Variants in ARHGAP32 observed in about 807,000 individuals in gnomAD.
The protein encoded by ARHGAP32 is Rho GTPase activating protein 32.
Under a neutral mutation model 186.5 loss-of-function variants are expected in ARHGAP32, and 51 were observed. The observed-to-expected ratio is 0.27, with a 90% confidence interval of 0.22 to 0.35. The LOEUF (loss-of-function observed/expected upper bound fraction) is 0.35. Among genes scored for constraint, ARHGAP32 ranks in the 10% least tolerant of loss-of-function variants. ARHGAP32 has a pLI of 1.00. For missense variants in ARHGAP32, 2,186 were observed against 2,623.5 expected, an observed-to-expected ratio of 0.83 and a Z score of 3.64; for synonymous variants, 950 against 964.3, an observed-to-expected ratio of 0.99 and a Z score of 0.27.
chr11:129,224,927 C>T (rs1423694642), intron 1 of ARHGAP32, among the ~76,000 whole-genome samples: 2 of 151,982 alleles, frequency 1.3e-5, no homozygotes, highest in African/African-American at 4.8e-5. Flanking sequence ...GCCTGGACAA[C>T]ATAGCAAGAC....
At chr11:129,088,901 G>A (rs1396499070) in intron 6 of ARHGAP32, among the ~76,000 whole-genome samples, 1 of 150,534 alleles carries the variant, frequency 6.6e-6, no homozygotes, top group South Asian at 2.1e-4. Flanking sequence ...AGCCAGGTGA[G>A]GCAGGAGGAT....
intron 10 of ARHGAP32, among the ~76,000 whole-genome samples, chr11:129,047,422 C>G (rs1939857955): frequency 2.0e-5 from 3 of 152,180 alleles, no homozygotes; most frequent in Admixed American, 1.3e-4. Context: ...ACATTTCCCC[C>G]CAAGGTACTT....
intron 1 of ARHGAP32, among the ~76,000 whole-genome samples, chr11:129,215,308 A>C (rs1251902223): frequency 6.6e-6 from 1 of 152,182 alleles, no homozygotes; most frequent in East Asian, 1.9e-4. Flanking sequence ...GTCAGAACTA[A>C]ATGAGTTCAT....
chr11:129,082,945 T>C (rs1469452467), intron 6 of ARHGAP32, among the ~76,000 whole-genome samples: 2 of 151,874 alleles, frequency 1.3e-5, no homozygotes, highest in East Asian at 3.9e-4. Flanking sequence ...GCTAGGGGTA[T>C]AAACAGTTAT....
intron 1 of ARHGAP32, among the ~76,000 whole-genome samples, chr11:129,182,466 G>A (rs1455216838): frequency 6.6e-6 from 1 of 151,900 alleles, no homozygotes; most frequent in Non-Finnish European, 1.5e-5. Context: ...TTTTTGTAAT[G>A]CAGATGTTTT....
intron 1 of ARHGAP32, among the ~76,000 whole-genome samples, chr11:129,177,364 A>G (rs1480509594): frequency 6.6e-6 from 1 of 152,196 alleles, no homozygotes; most frequent in Non-Finnish European, 1.5e-5. Context: ...AGGTACAAGG[A>G]GAAACTGGTA....
chr11:128,974,711 C>T lies in ARHGAP32; in HGVS notation c.2486G>A (p.Gly829Asp), dbSNP rs761823318. 1.2e-6 allele frequency: 2 copies of T among 1,614,158 alleles called. 1 individual carries two copies. Among genetic ancestry groups the T allele is most frequent in the South Asian group, 2.2e-5 (2 of 91,080 alleles). Residue 829 changes from glycine to aspartate, a missense_variant, in exon 21 of 23, where the codon GGT (glycine) becomes GAT (aspartate). By Grantham distance (94) the Gly-to-Asp change is moderately conservative. Around this residue, in one of 5 missense-constraint regions of ARHGAP32, gnomAD observed 263 missense variants for 323.5 expected, o/e 0.81. Transcript: ENST00000682385. ...TCCTGGTGAATCTAAAAAGGAAGCA[C>T]CACTCTCCAGACATTCTGATTCGGC... ...PKAESECLES[G>D]ASFLDSPGYS...
At chr11:128,993,678 G>A (rs976953608) in intron 12 of ARHGAP32, among the ~76,000 whole-genome samples, 3 of 151,448 alleles carry the variant, frequency 2.0e-5, no homozygotes, top group African/African-American at 4.9e-5. Flanking sequence ...TATAGGTCAT[G>A]GACAATACAT....
At chr11:129,141,781 G>C (rs1408056944) in intron 2 of ARHGAP32, among the ~76,000 whole-genome samples, 3 of 150,938 alleles carry the variant, frequency 2.0e-5, no homozygotes, top group Non-Finnish European at 3.0e-5. Flanking sequence ...TAGGATTATG[G>C]GAAAGCCTCT....
At chr11:129,131,844 C>T (rs1232596322) in intron 2 of ARHGAP32, among the ~76,000 whole-genome samples, 1 of 152,104 alleles carries the variant, frequency 6.6e-6, no homozygotes. Context: ...GTGGGGATAA[C>T]CCTTGGTATT....
chr11:129,263,533 C>T lies in ARHGAP32; in HGVS notation c.-5+15613G>A, dbSNP rs1449084425. On this transcript the variant is annotated intron_variant, in intron 1 of 6. Transcript: ENST00000525234. ...CAAACCATGATAAGATATCACCTTA[C>T]CCATTAAAATGGCTACTGGCAAAAA... 2.5e-5 allele frequency among the ~76,000 whole-genome samples: 3 copies of T among 121,148 alleles called. No homozygotes were observed. The East Asian group carries it at 7.4e-4, about 30-fold the overall frequency. 79.5% of individuals were successfully genotyped at this position (121,148 alleles called of 152,430 possible). A position where few individuals can be genotyped will look rare whatever the true frequency, so the allele number is the denominator to read the frequency against.
Position 129,225,221 on chromosome 11 carries a change from GAAGT to G in ARHGAP32, c.-5+53921_-5+53924del, listed in dbSNP as rs575912336. Among the ~76,000 whole-genome samples the G allele has an allele frequency of 9.2e-5, 14 of 152,284 alleles. No homozygotes were observed. In the South Asian group the frequency reaches 2.9e-3, roughly 32 times the overall value. On this transcript the variant is annotated intron_variant, in intron 1 of 6. Coordinates refer to the ARHGAP32 transcript ENST00000525234. Reference sequence around the variant, plus strand: ...GAAAAAGCTTAAAAGAAAAAACTGAGAAGTAAGATGCCCATGGAGACTTTGAAAA... The same window carrying G: ...GAAAAAGCTTAAAAGAAAAAACTGAGAAGATGCCCATGGAGACTTTGAAAA...
intron 1 of ARHGAP32, among the ~76,000 whole-genome samples, chr11:129,252,260 G>C (rs1355338039): frequency 6.6e-6 from 1 of 152,070 alleles, no homozygotes; most frequent in African/African-American, 2.4e-5. Context: ...AGCAATAGAA[G>C]AACACAACAA....
chr11:129,246,897 G>A (rs1362293936), intron 1 of ARHGAP32, among the ~76,000 whole-genome samples: 1 of 152,176 alleles, frequency 6.6e-6, no homozygotes, highest in Non-Finnish European at 1.5e-5. Context: ...GGTCTTTTAA[G>A]AGAAGATGTG....
At position 128,974,844 on chromosome 11, in the gene ARHGAP32, C is replaced by T; in HGVS notation, c.2353G>A (p.Ala785Thr). The T allele has an allele frequency of 6.2e-7, 1 of 1,614,104 alleles. No individual in the cohort carries two copies. The highest frequency in any genetic ancestry group is 8.5e-7 in the Non-Finnish European group (1 of 1,180,008). ...EEEGGLLHIP[A>T]LMSPHSAEDV... ...TCAGCTGAATGAGGAGACATAAGGG[C>T]TGGGATATGAAGCAGCCCTCCTTCC... Residue 785 changes from alanine to threonine, a missense_variant, in exon 21 of 23, where the codon GCC becomes ACC. Physicochemically the swap from Ala to Thr is moderately conservative, Grantham distance 58. Coordinates refer to ENST00000682385, the MANE Select transcript of ARHGAP32 (RefSeq NM_001378024.1).
At chr11:129,227,583 A>G (rs1421925769) in intron 1 of ARHGAP32, among the ~76,000 whole-genome samples, 1 of 152,100 alleles carries the variant, frequency 6.6e-6, no homozygotes, top group East Asian at 1.9e-4. Flanking sequence ...TGGAAAAGCT[A>G]TTTCATGAAA....
chr11:129,115,024 A>G (rs1465947398), intron 5 of ARHGAP32, among the ~76,000 whole-genome samples: 1 of 152,164 alleles, frequency 6.6e-6, no homozygotes, highest in African/African-American at 2.4e-5. Context: ...GAACACGGAA[A>G]GAGTTCTTTT....
chr11:129,253,485 A>C (rs983782037), intron 1 of ARHGAP32, among the ~76,000 whole-genome samples: 1 of 152,224 alleles, frequency 6.6e-6, no homozygotes, highest in Admixed American at 6.5e-5. Context: ...CATGGAGTGC[A>C]AAAGTCTAAA....
At chr11:129,207,556 C>G (rs566068640) in intron 1 of ARHGAP32, among the ~76,000 whole-genome samples, 14 of 151,936 alleles carry the variant, frequency 9.2e-5, no homozygotes, top group African/African-American at 3.4e-4. Context: ...AGTGTCTGTT[C>G]ATATCCTTTG....
Sources: allele counts gnomAD v4.1 joint callset (sites outside exome capture counted in the v4.1 genomes callset), GRCh38; gene constraint gnomAD v4.1.1; regional missense constraint gnomAD v4.1.1; transcripts MANE v1.5; gene names NCBI Gene and HGNC (gene_info 2026-07-23, HGNC 2026-07-21).